The following PLG variants were observed in gnomAD, a reference collection of about 807,000 sequenced individuals.
PLG encodes plasmin.
Under a neutral mutation model 104.4 loss-of-function variants are expected in PLG, and 41 were observed. That is an observed-to-expected ratio of 0.39 (90% CI 0.31 to 0.51). The LOEUF (loss-of-function observed/expected upper bound fraction) is 0.51, where lower values mean the gene tolerates loss of function less well. Among genes scored for constraint, PLG ranks in the 20% least tolerant of loss-of-function variants. The pLI, the probability that PLG is intolerant of heterozygous loss-of-function variation, is 0.76. For synonymous variants in PLG, 337 were observed against 357.1 expected, an observed-to-expected ratio of 0.94 and a Z score of 0.63; for missense variants, 891 against 1,003.6, an observed-to-expected ratio of 0.89 and a Z score of 1.52.
At position 160,722,591 on chromosome 6, in the gene PLG, A is replaced by C. The variant is rs1339615912; in HGVS notation, c.1256+24A>C. On this transcript the variant is annotated intron_variant, in intron 10 of 18. Coordinates refer to ENST00000308192, the MANE Select transcript of PLG (RefSeq NM_000301.5). ...GCGTATGTCTTTGATTTTTACTGTAAGAGGGGCATCAGCCAACTGAAATTT... is the reference window on the plus strand; with the variant it reads ...GCGTATGTCTTTGATTTTTACTGTACGAGGGGCATCAGCCAACTGAAATTT... The C allele has an allele frequency of 1.9e-6, 3 of 1,608,046 alleles. No individual in the cohort carries two copies. The Admixed American group carries it at 5.0e-5, about 27-fold the overall frequency.
In PLG at chr6:160,718,358, C is replaced by T. The variant is rs760216173; in HGVS notation, c.852C>T (p.Arg284=). The change falls in exon 8 of 19, where the codon CGC becomes CGT. Residue 284 remains arginine, a synonymous_variant. Coordinates refer to ENST00000308192, the MANE Select transcript of PLG (RefSeq NM_000301.5). ...QCLKGTGENY[R]GNVAVTVSGH... ...TGAAGGGAACAGGTGAAAACTATCG[C>T]GGGAATGTGGCTGTTACCGTGTCCG... 42 of 1,613,640 alleles carry T rather than the reference C, an allele frequency of 2.6e-5. No homozygotes were observed. The highest frequency in any genetic ancestry group is 2.0e-4 in the East Asian group (9 of 44,900).
rs4252078 is a variant in PLG, at chr6:160,710,786, C to T, written c.293-291C>T. Among the ~76,000 whole-genome samples, 50,407 of 151,972 alleles carry T rather than the reference C, an allele frequency of 0.33. 9,388 individuals carry two copies. The highest frequency in any genetic ancestry group is 0.51 in the Middle Eastern group (149 of 294). On this transcript the variant is annotated intron_variant, in intron 3 of 18. Transcript: ENST00000308192. ...CCTGTAACCCCCCTGCCTGATTCCACTAGAATGTAAGCTCCATGACGGCCA... is the reference window on the plus strand; with the variant it reads ...CCTGTAACCCCCCTGCCTGATTCCATTAGAATGTAAGCTCCATGACGGCCA...
Position 160,716,657 on chromosome 6 carries a change from G to T in PLG, c.681G>T (p.Lys227Asn). The change falls in exon 7 of 19, where the codon AAG (lysine) becomes AAT (asparagine). Residue 227 changes from lysine (K) to asparagine (N), a missense_variant. This residue lies in a region of PLG where 854 missense variants were observed against 932.1 expected (regional missense o/e 0.92). Transcript: ENST00000308192. Reference protein sequence around the residue: ...HGYIPSKFPNKNLKKNYCRNP... With the variant: ...HGYIPSKFPNNNLKKNYCRNP... ...CTTGTCCATTCAGATTTCCAAACAA[G>T]AACCTGAAGAAGAATTACTGTCGTA... 2 of 1,600,386 alleles carry T rather than the reference G, an allele frequency of 1.2e-6. No individual in the cohort carries two copies. The highest frequency in any genetic ancestry group is 1.7e-6 in the Non-Finnish European group (2 of 1,167,526).
intron 1 of PLG, among the ~76,000 whole-genome samples, chr6:160,703,389 A>C (rs1333502691): frequency 6.6e-6 from 1 of 152,188 alleles, no homozygotes; most frequent in Non-Finnish European, 1.5e-5. Flanking sequence ...AAATTTTAAA[A>C]CTATTCATAC....
At chr6:160,714,727 T>C (rs1413015308) in intron 5 of PLG, 67 bp from the exon 6 acceptor site, 9 of 1,539,702 alleles carry the variant, frequency 5.8e-6, no homozygotes, top group Non-Finnish European at 7.2e-6. Context: ...TGGTTTTTAC[T>C]CTCTATTTTG....
chr6:160,729,119 G>A (rs1441303172), intron 10 of PLG, among the ~76,000 whole-genome samples: 2 of 151,180 alleles, frequency 1.3e-5, no homozygotes, highest in Admixed American at 6.6e-5. Flanking sequence ...CTCAGGGAAC[G>A]ATGGACAGAT....
Position 160,736,386 on chromosome 6 carries a change from TAC to T in PLG, c.1682-486_1682-485del, listed in dbSNP as rs4252142. The stretch of plus-strand genomic sequence containing the variant: ...GTAATCCTTGCTACATACAATCACA[TAC>T]ACACACACACACACGTGCACACACA... On this transcript the variant is annotated intron_variant, in intron 13 of 18. Transcript: ENST00000308192. The surrounding 1 kb of genome is among the most constrained non-coding windows in gnomAD (Gnocchi z 5.2). 0.02 allele frequency among the ~76,000 whole-genome samples: 2,946 copies of T among 150,968 alleles called. 112 individuals carry two copies. The highest frequency in any genetic ancestry group is 0.068 in the African/African-American group (2,796 of 41,238).
chr6:160,720,134 C>G (rs1777804053), intron 9 of PLG, among the ~76,000 whole-genome samples: 1 of 152,038 alleles, frequency 6.6e-6, no homozygotes, highest in Non-Finnish European at 1.5e-5. Context: ...AATGTAGATA[C>G]TGGGTTGAGA....
intron 3 of PLG, among the ~76,000 whole-genome samples, chr6:160,708,944 T>C (rs1346528981): frequency 6.6e-6 from 1 of 150,736 alleles, no homozygotes; most frequent in East Asian, 1.9e-4. Context: ...GTAAACTAAA[T>C]AGGATCACCT....
chr6:160,736,592 C>A lies in PLG; in HGVS notation c.1682-295C>A, dbSNP rs1379667036. 6.6e-6 allele frequency among the ~76,000 whole-genome samples: 1 copy of A among 151,954 alleles called. No homozygotes were observed. The highest frequency in any genetic ancestry group is 1.5e-5 in the Non-Finnish European group (1 of 68,004). On this transcript the variant is annotated intron_variant, in intron 13 of 18. Transcript: ENST00000308192. The surrounding 1 kb of genome is among the most constrained non-coding windows in gnomAD (Gnocchi z 5.2). ...TAACAATGACAAATAACCATTTGTC[C>A]CAATCAAGGTTTTCTCAGAAAATAT...
Position 160,706,514 on chromosome 6 carries a change from T to C in PLG, c.157T>C (p.Cys53Arg), listed in dbSNP as rs1456851397. The change falls in exon 2 of 19, where the codon TGT (cysteine) becomes CGT (arginine). Residue 53 changes from cysteine (C) to arginine (R), a missense_variant. Physicochemically the swap from Cys to Arg is radical, Grantham distance 180 (BLOSUM62 -3). Around this residue, in one of 2 missense-constraint regions of PLG, gnomAD observed 854 missense variants for 932.1 expected, o/e 0.92. Transcript: ENST00000308192. The stretch of plus-strand genomic sequence containing the variant: ...AAGTATAGAAGAATGTGCAGCAAAA[T>C]GTGAGGAGGACGAAGAATTCACCTG... ...AGSIEECAAKCEEDEEFTCRA... is the reference protein window; with the variant it reads ...AGSIEECAAKREEDEEFTCRA... 1 of 1,613,876 alleles carries C rather than the reference T, an allele frequency of 6.2e-7. No homozygotes were observed. The highest frequency in any genetic ancestry group is 8.5e-7 in the Non-Finnish European group (1 of 1,179,830).
At chr6:160,714,647 T>C (rs1582935534) in intron 5 of PLG, 147 bp from the exon 6 acceptor site, 4 of 414,122 alleles carry the variant, frequency 9.7e-6, no homozygotes, top group Non-Finnish European at 1.9e-5. Flanking sequence ...TATTGCCAAT[T>C]TTATTGCCAA....
chr6:160,747,136 T>C (rs979634661), intron 17 of PLG, among the ~76,000 whole-genome samples: 6 of 152,214 alleles, frequency 3.9e-5, no homozygotes, highest in Non-Finnish European at 5.9e-5. Flanking sequence ...TCTTCCCAAA[T>C]ACCCACATGT....
At position 160,719,136 on chromosome 6, in the gene PLG, C is replaced by G. The variant is rs6917250; in HGVS notation, c.1096+298C>G. 0.017 allele frequency among the ~76,000 whole-genome samples: 2,649 copies of G among 152,214 alleles called. 74 individuals carry two copies. Among genetic ancestry groups the G allele is most frequent in the African/African-American group, 0.061 (2,536 of 41,516 alleles). On this transcript the variant is annotated intron_variant, in intron 9 of 18. Coordinates refer to ENST00000308192, the MANE Select transcript of PLG (RefSeq NM_000301.5). This position sits in a 1 kb window ranked among gnomAD's most constrained non-coding sequence, Gnocchi z 4.1. ...TTGGTTGCTGGTGTTCTTCTGTATC[C>G]TTACTGATTGTCTGTCTCCTCCTTC...
intron 1 of PLG, among the ~76,000 whole-genome samples, chr6:160,702,652 AAGG>A (rs1347619243): frequency 6.6e-6 from 1 of 152,228 alleles, no homozygotes; most frequent in Admixed American, 6.5e-5. Flanking sequence ...TAATTATGCA[AAGG>A]ACGGCTAAGC....
In PLG at chr6:160,725,180, G is replaced by A. The variant is rs561620403; in HGVS notation, c.1256+2613G>A. 4.6e-5 allele frequency among the ~76,000 whole-genome samples: 7 copies of A among 151,990 alleles called. No homozygotes were observed. In the South Asian group the frequency reaches 1.5e-3, roughly 32 times the overall value. ...CAGTGAGCTGAGATCGTGCCATTAC[G>A]GTCCAACCTGGGTGACAGAGCGAGA... On this transcript the variant is annotated intron_variant, in intron 10 of 18. Coordinates refer to ENST00000308192, the MANE Select transcript of PLG (RefSeq NM_000301.5). The surrounding 1 kb of genome is among the most constrained non-coding windows in gnomAD (Gnocchi z 6.3).
intron 12 of PLG, among the ~76,000 whole-genome samples, chr6:160,733,667 T>G (rs1385804113): frequency 6.6e-6 from 1 of 151,444 alleles, no homozygotes; most frequent in Non-Finnish European, 1.5e-5. Context: ...TGGTGAAACC[T>G]CATCTCTACT....
rs753873590 is a variant in PLG at position 160,752,026 on chromosome 6, G to C, written c.2126-89G>C. On this transcript the variant is annotated intron_variant, in intron 17 of 18. Transcript: ENST00000308192. The surrounding 1 kb of genome is among the most constrained non-coding windows in gnomAD (Gnocchi z 4.7). ...CTCGTGTTCTGCAGCCTCACAGACA[G>C]GAGGTCCAGTGCCGCTGCTCTGTTC... is the stretch of plus-strand genomic sequence containing the variant. The C allele has an allele frequency of 8.8e-7, 1 of 1,130,194 alleles. No homozygotes were observed. The highest frequency in any genetic ancestry group is 1.3e-6 in the Non-Finnish European group (1 of 747,176). The allele number at this position is 1,130,194 out of a possible 1,614,324, so 70.0% of individuals were successfully genotyped here.
At position 160,738,682 on chromosome 6, in the gene PLG, C is replaced by T; in HGVS notation, c.1877+70C>T. 3 of 1,038,080 alleles carry T rather than the reference C, an allele frequency of 2.9e-6. No homozygotes were observed. The highest frequency in any genetic ancestry group is 4.6e-6 in the Non-Finnish European group (3 of 655,272). The allele number at this position is 1,038,080 out of a possible 1,614,324, so 64.3% of individuals were successfully genotyped here. A position where few individuals can be genotyped will look rare whatever the true frequency, so the allele number is the denominator to read the frequency against. The stretch of plus-strand genomic sequence containing the variant: ...TTTTCTGTCCTTCTTTTCCTCCTTT[C>T]CTCCTTTCCTTTCTCACTCTTCCTC... On this transcript the variant is annotated intron_variant, in intron 15 of 18. Coordinates refer to ENST00000308192, the MANE Select transcript of PLG (RefSeq NM_000301.5). This position sits in a 1 kb window ranked among gnomAD's most constrained non-coding sequence, Gnocchi z 6.8.
Sources: allele counts gnomAD v4.1 joint callset (sites outside exome capture counted in the v4.1 genomes callset), GRCh38; gene constraint gnomAD v4.1.1; regional missense constraint gnomAD v4.1.1; non-coding constraint Gnocchi (gnomAD v3.1); transcripts MANE v1.5; gene names NCBI Gene and HGNC (gene_info 2026-07-23, HGNC 2026-07-21).